OPN5: variants seen among roughly 807,000 people sequenced by gnomAD.
OPN5 encodes the protein opsin-5.
Under a neutral mutation model 41.7 loss-of-function variants are expected in OPN5, and 18 were observed. That is an observed-to-expected ratio of 0.43 (90% CI 0.30 to 0.64). The LOEUF is 0.64. OPN5 is among the 30% of genes least tolerant of loss of function. OPN5 has a pLI of 0.13. For missense variants in OPN5, 318 were observed against 434.5 expected (o/e 0.73, Z 2.38); for synonymous variants, 178 against 164.3 (o/e 1.08, Z -0.64).
At chr6:47,808,347 A>G in exon 5 of OPN5, 2 of 1,614,070 alleles carry the variant, frequency 1.2e-6, no homozygotes, top group Non-Finnish European at 1.7e-6. Flanking sequence ...GCCTGTTGCC[A>G]AACTGGTGGT....
At chr6:47,826,025 A>G (rs1430545589), downstream of OPN5, 1 of 152,188 alleles carries the variant, frequency 6.6e-6, no homozygotes, top group Non-Finnish European at 1.5e-5. Context: ...GGTATATATA[A>G]TACATATATG....
In OPN5 at chr6:47,808,205, GT is replaced by G; in HGVS notation, c.809del (p.Val270GlyfsTer52). On this transcript the variant is annotated frameshift_variant, in exon 5 of 7. Coordinates refer to ENST00000371211, the Ensembl canonical transcript of OPN5. LOFTEE classifies it high-confidence loss of function. ...CCTGATTGCCTGGATTCCTTATGCA[GT>G]GGTGTCTGTGTGGTCAGCTTTTGGA... is the stretch of plus-strand genomic sequence containing the variant. 6.2e-7 allele frequency: 1 copy of G among 1,613,772 alleles called. No homozygotes were observed. The highest frequency in any genetic ancestry group is 8.5e-7 in the Non-Finnish European group (1 of 1,179,840).
chr6:47,787,559 C>T (rs1773229067), intron 2 of OPN5, among the ~76,000 whole-genome samples: 2 of 152,168 alleles, frequency 1.3e-5, no homozygotes, highest in Non-Finnish European at 2.9e-5. Context: ...AGCAGCTCCT[C>T]TTACCATTAG....
At chr6:47,806,286 G>A (rs1581747169) in intron 4 of OPN5, among the ~76,000 whole-genome samples, 1 of 152,232 alleles carries the variant, frequency 6.6e-6, no homozygotes, top group Admixed American at 6.5e-5. Flanking sequence ...CATTGTGTAA[G>A]GATACTTTGA....
At chr6:47,825,001 G>T (rs1762749349), downstream of OPN5, 1 of 152,116 alleles carries the variant, frequency 6.6e-6, no homozygotes, top group African/African-American at 2.4e-5. Flanking sequence ...CCAGGCCAGG[G>T]GGAGAGTGGA....
At chr6:47,813,411 G>A (rs939139164) in intron 6 of OPN5, among the ~76,000 whole-genome samples, 8 of 152,226 alleles carry the variant, frequency 5.3e-5, no homozygotes, top group Middle Eastern at 3.4e-3. Context: ...GCAATATGCC[G>A]GTGATAGAGA....
chr6:47,816,064 G>T (rs886910428), intron 6 of OPN5, among the ~76,000 whole-genome samples: 8 of 152,070 alleles, frequency 5.3e-5, no homozygotes, highest in Non-Finnish European at 1.0e-4. Flanking sequence ...CACGTGCTTT[G>T]TTGGTTTTGT....
intron 4 of OPN5, among the ~76,000 whole-genome samples, chr6:47,797,560 G>A (rs978991177): frequency 6.6e-6 from 1 of 152,168 alleles, no homozygotes; most frequent in Non-Finnish European, 1.5e-5. Context: ...ATGTACCAAT[G>A]ATGAAAAATT....
Position 47,813,110 on chromosome 6 carries a change from C to A in OPN5, c.1056+1379C>A, listed in dbSNP as rs527640560. Among the ~76,000 whole-genome samples, 297 of 114,420 alleles carry A rather than the reference C, an allele frequency of 2.6e-3. 1 individual carries two copies. The highest frequency in any genetic ancestry group is 0.016 in the South Asian group (59 of 3,594). The allele number at this position is 114,420 out of a possible 152,430, so 75.1% of individuals were successfully genotyped here. On this transcript the variant is annotated intron_variant, in intron 6 of 6. Transcript: ENST00000371211. ...ACAACAACAACAACAACAACAACAACAACAAGCAACAACTCTGCTTGGGGC... is the reference window on the plus strand; with the variant it reads ...ACAACAACAACAACAACAACAACAAAAACAAGCAACAACTCTGCTTGGGGC...
At chr6:47,811,785 C>T (rs764077557) in intron 6 of OPN5, 54 bp downstream of exon 6, 1 of 1,122,482 alleles carries the variant, frequency 8.9e-7, no homozygotes, top group Non-Finnish European at 1.4e-6. Flanking sequence ...TTATTTGCCT[C>T]TTCACTGCTG....
chr6:47,816,596 T>G (rs1762436020), intron 6 of OPN5, among the ~76,000 whole-genome samples: 1 of 152,138 alleles, frequency 6.6e-6, no homozygotes, highest in Non-Finnish European at 1.5e-5. Flanking sequence ...CAACATTTTC[T>G]TCCAAACAAT....
At chr6:47,820,268 G>T (rs929275665) in intron 6 of OPN5, among the ~76,000 whole-genome samples, 2 of 152,000 alleles carry the variant, frequency 1.3e-5, no homozygotes, top group Non-Finnish European at 2.9e-5. Context: ...CAGCCTTAGG[G>T]GTTATTCTTT....
chr6:47,800,216 G>A (rs186846591), intron 4 of OPN5, among the ~76,000 whole-genome samples: 12 of 152,300 alleles, frequency 7.9e-5, no homozygotes, highest in African/African-American at 2.4e-4. Flanking sequence ...CATGAGGCCA[G>A]CCATGCCAGA....
intron 6 of OPN5, among the ~76,000 whole-genome samples, chr6:47,820,628 G>A (rs73473763): frequency 0.13 from 19,192 of 152,154 alleles, 1,337 homozygotes; most frequent in Middle Eastern, 0.16. Flanking sequence ...GGAACCAGTT[G>A]TATGGGGGTG....
intron 6 of OPN5, among the ~76,000 whole-genome samples, chr6:47,814,058 ATATAGT>A (rs1351922900): frequency 1.3e-5 from 2 of 152,178 alleles, no homozygotes; most frequent in Non-Finnish European, 2.9e-5. Context: ...CATTATAACG[ATATAGT>A]TATAGATTAT....
intron 1 of OPN5, among the ~76,000 whole-genome samples, chr6:47,784,144 A>G (rs6935551): frequency 0.82 from 124,469 of 152,018 alleles, 51,121 homozygotes; most frequent in East Asian, 0.93. Flanking sequence ...TCAGGGCACT[A>G]GGAGGTGGAG....
intron 6 of OPN5, among the ~76,000 whole-genome samples, chr6:47,814,364 T>G (rs1762368487): frequency 6.6e-6 from 1 of 152,116 alleles, no homozygotes; most frequent in African/African-American, 2.4e-5. Context: ...TTTAACTGTT[T>G]AACTAGAATA....
intron 6 of OPN5, among the ~76,000 whole-genome samples, chr6:47,815,463 T>A (rs1000480999): frequency 4.6e-5 from 7 of 152,160 alleles, no homozygotes; most frequent in Admixed American, 6.6e-5. Context: ...GGATCAATGA[T>A]GCTGGCATAA....
At chr6:47,805,911 T>C (rs1773942076) in intron 4 of OPN5, among the ~76,000 whole-genome samples, 1 of 152,094 alleles carries the variant, frequency 6.6e-6, no homozygotes, top group African/African-American at 2.4e-5. Flanking sequence ...TACTCAGAGA[T>C]TATAGGAAAG....
Sources: allele counts gnomAD v4.1 joint callset (sites outside exome capture counted in the v4.1 genomes callset), GRCh38; gene constraint gnomAD v4.1.1; transcripts MANE v1.5; gene names NCBI Gene and HGNC (gene_info 2026-07-23, HGNC 2026-07-21).